Variants in COBL observed in about 807,000 individuals in gnomAD.
COBL encodes the protein protein cordon-bleu.
Under a neutral mutation model 98.8 loss-of-function variants are expected in COBL, and 51 were observed. That is an observed-to-expected ratio of 0.52 (90% confidence interval 0.41 to 0.65). The LOEUF (loss-of-function observed/expected upper bound fraction) is 0.65, where lower values mean the gene tolerates loss of function less well. Among genes scored for constraint, COBL ranks in the 30% least tolerant of loss-of-function variants. The pLI is 0.00. For missense variants in COBL, 1,617 were observed against 1,617.5 expected (o/e 1.00, Z 0.01); for synonymous variants, 634 against 651.7 (o/e 0.97, Z 0.41).
chr7:51,186,263 C>A (rs565292493), intron 4 of COBL, among the ~76,000 whole-genome samples: 1 of 152,328 alleles, frequency 6.6e-6, no homozygotes, highest in African/African-American at 2.4e-5. Flanking sequence ...TGGGGTTACA[C>A]TTTCAGTTCA....
At chr7:51,082,476 A>G (rs1793757250) in intron 7 of COBL, among the ~76,000 whole-genome samples, 1 of 152,220 alleles carries the variant, frequency 6.6e-6, no homozygotes, top group Admixed American at 6.5e-5. Context: ...CCCCATCTCA[A>G]ACAGGGTGTG....
intron 1 of COBL, among the ~76,000 whole-genome samples, chr7:51,272,442 C>T (rs1798846414): frequency 6.6e-6 from 1 of 152,154 alleles, no homozygotes; most frequent in African/African-American, 2.4e-5. Context: ...TCCAGGGAAG[C>T]CAGAACTACA....
chr7:51,227,971 A>T (rs1309335861), intron 1 of COBL, among the ~76,000 whole-genome samples: 2 of 152,214 alleles, frequency 1.3e-5, no homozygotes, highest in Non-Finnish European at 2.9e-5. Context: ...ATTGTGGCAT[A>T]AAAACAATAA....
At chr7:51,137,151 C>T (rs80187465) in intron 5 of COBL, among the ~76,000 whole-genome samples, 8,545 of 152,264 alleles carry the variant, frequency 0.056, 457 homozygotes, top group East Asian at 0.31. Context: ...TCTCCTAGCC[C>T]TGGCAGATCT....
At chr7:51,205,726 T>C (rs1791636565) in intron 2 of COBL, among the ~76,000 whole-genome samples, 1 of 151,522 alleles carries the variant, frequency 6.6e-6, no homozygotes, top group Non-Finnish European at 1.5e-5. Flanking sequence ...TGCATCAAGC[T>C]AAAAGGCTTC....
At chr7:51,163,168 C>A (rs1031240862) in intron 5 of COBL, among the ~76,000 whole-genome samples, 23 of 152,200 alleles carry the variant, frequency 1.5e-4, no homozygotes, top group African/African-American at 4.3e-4. Context: ...TCCGTTTGAT[C>A]CCCTCTTCTG....
chr7:51,240,792 C>T (rs908259748), intron 1 of COBL, among the ~76,000 whole-genome samples: 1 of 152,212 alleles, frequency 6.6e-6, no homozygotes, highest in African/African-American at 2.4e-5. Flanking sequence ...ATCTACCCAC[C>T]TCGGCTTCCC....
intron 6 of COBL, among the ~76,000 whole-genome samples, chr7:51,120,013 T>C (rs1330250963): frequency 2.6e-5 from 4 of 152,342 alleles, no homozygotes; most frequent in African/African-American, 7.2e-5. Context: ...CTGTTCTTAA[T>C]TGTTGGCTCC....
At chr7:51,053,991 G>A (rs1790481692) in intron 7 of COBL, among the ~76,000 whole-genome samples, 1 of 152,218 alleles carries the variant, frequency 6.6e-6, no homozygotes, top group Non-Finnish European at 1.5e-5. Flanking sequence ...GACCAGCCTG[G>A]CCAACATGGT....
chr7:51,247,186 C>A (rs1343963578), intron 1 of COBL, among the ~76,000 whole-genome samples: 1 of 152,230 alleles, frequency 6.6e-6, no homozygotes, highest in Non-Finnish European at 1.5e-5. Flanking sequence ...AGGCCAGAGG[C>A]CATCCATGGA....
intron 8 of COBL, chr7:51,036,028 A>C (rs1249751289): frequency 6.6e-6 from 1 of 152,176 alleles, no homozygotes; most frequent in East Asian, 1.9e-4. Flanking sequence ...AATTCTGCGG[A>C]TGCTCAACTC....
chr7:51,182,492 G>A lies in COBL; in HGVS notation c.783+1610C>T, dbSNP rs531644003. 1.9e-3 allele frequency among the ~76,000 whole-genome samples: 287 copies of A among 152,124 alleles called. 1 individual carries two copies. The highest frequency in any genetic ancestry group is 6.4e-3 in the African/African-American group (267 of 41,514). On this transcript the variant is annotated intron_variant, in intron 5 of 12. Coordinates refer to ENST00000265136, the MANE Select transcript of COBL (RefSeq NM_015198.5). ...AGACGGGGTTTCACTGCATTGGCCA[G>A]GCTGGTCTCGAACTCCTGACCTCAG...
chr7:51,306,351 T>C (rs1237101066), intron 1 of COBL, among the ~76,000 whole-genome samples: 1 of 152,172 alleles, frequency 6.6e-6, no homozygotes, highest in African/African-American at 2.4e-5. Context: ...ACTGAGGCTC[T>C]TGCAGCTTGG....
intron 1 of COBL, among the ~76,000 whole-genome samples, chr7:51,271,948 G>A (rs1798800457): frequency 6.6e-6 from 1 of 152,176 alleles, no homozygotes; most frequent in South Asian, 2.1e-4. Context: ...AGAATCGCTT[G>A]AACCCAGGAG....
Position 51,156,670 on chromosome 7 carries a change from C to A in COBL, c.784-20339G>T, listed in dbSNP as rs1008674192. ...CAGGCTATTTTTAAACACACATTTC[C>A]AATGTACAGTCAATAAAAAACCACC... On this transcript the variant is annotated intron_variant, in intron 5 of 12. Coordinates refer to ENST00000265136, the MANE Select transcript of COBL (RefSeq NM_015198.5). 24 of 729,598 alleles carry A rather than the reference C, an allele frequency of 3.3e-5. No individual in the cohort carries two copies. The African/African-American group carries it at 4.8e-4, about 15-fold the overall frequency. The allele number at this position is 729,598 out of a possible 1,614,324, so 45.2% of individuals were successfully genotyped here.
intron 1 of COBL, among the ~76,000 whole-genome samples, chr7:51,309,864 A>AT (rs1802845360): frequency 6.6e-6 from 1 of 152,194 alleles, no homozygotes; most frequent in Non-Finnish European, 1.5e-5. Flanking sequence ...TCATAATCCC[A>AT]TAGGAGGTTT....
In COBL at chr7:51,017,554, C is replaced by T; in HGVS notation, c.3783G>A (p.Val1261=). Residue 1261 remains valine (V), a synonymous_variant, in exon 13 of 13, where the codon GTG becomes GTA. Coordinates refer to ENST00000265136, the MANE Select transcript of COBL (RefSeq NM_015198.5). ...CAATTCTCTGGCCTCTGTTCATTCA[C>T]ACGAGCAAGGGCACCTGCAGGGAAG... The part of the protein sequence containing the change: ...AARLRKVPLL[V] 1 of 1,614,022 alleles carries T rather than the reference C, an allele frequency of 6.2e-7. No individual in the cohort carries two copies. The highest frequency in any genetic ancestry group is 8.5e-7 in the Non-Finnish European group (1 of 1,179,890).
chr7:51,088,489 C>CCATA (rs1364387239), intron 6 of COBL, among the ~76,000 whole-genome samples: 1 of 151,830 alleles, frequency 6.6e-6, no homozygotes, highest in African/African-American at 2.4e-5. Context: ...TTCCTGGATA[C>CCATA]CATAGCTTCT....
intron 8 of COBL, 41 bp downstream of exon 8, chr7:51,043,342 G>T: frequency 3.8e-6 from 6 of 1,572,014 alleles, no homozygotes; most frequent in Middle Eastern, 1.7e-4. Context: ...ACACAGATGT[G>T]GCTGTGACTT....
Sources: gnomAD v4.1 joint callset for allele counts (sites outside exome capture counted in the v4.1 genomes callset) on GRCh38, gnomAD v4.1.1 for gene constraint, MANE v1.5 for transcripts, NCBI Gene and HGNC (gene_info 2026-07-23, HGNC 2026-07-21) for gene names.